ZNF487: variants seen among roughly 807,000 people sequenced by gnomAD.
The protein encoded by ZNF487 is KRAB domain only 1.
A neutral mutation model predicts 3.0 loss-of-function variants in ZNF487; 4 were observed. That is an observed-to-expected ratio of 1.35 (90% CI 0.66 to 3.08). ZNF487 has a LOEUF of 3.08. Ranked by LOEUF, ZNF487 falls within the 30% of genes most tolerant of loss-of-function variation. ZNF487 has a pLI of 0.01. For synonymous variants in ZNF487, 55 were observed against 34.6 expected (o/e 1.59, Z -2.06); for missense variants, 146 against 98.7 (o/e 1.48, Z -2.03).
At chr10:43,496,496 A>G in the ZNF487 span, among the ~76,000 whole-genome samples, 13 of 152,334 alleles carry the variant, frequency 8.5e-5, no homozygotes, top group African/African-American at 2.9e-4. Context: ...AGGCATGGAT[A>G]TTAGAGGAAG....
intron 1 of ZNF487, among the ~76,000 whole-genome samples, chr10:43,459,587 T>C (rs1483883893): frequency 6.6e-6 from 1 of 151,994 alleles, no homozygotes; most frequent in Non-Finnish European, 1.5e-5. Flanking sequence ...AAAAAAAATT[T>C]TTAAGTCAGG....
intron 1 of ZNF487, among the ~76,000 whole-genome samples, chr10:43,449,443 C>G (rs1236001903): frequency 6.6e-6 from 1 of 152,106 alleles, no homozygotes; most frequent in Non-Finnish European, 1.5e-5. Flanking sequence ...TTATTCAAGT[C>G]AACTCACTAT....
At chr10:43,465,363 C>T (rs1330023651) in intron 1 of ZNF487, among the ~76,000 whole-genome samples, 17 of 148,362 alleles carry the variant, frequency 1.1e-4, no homozygotes, top group South Asian at 4.2e-4. Flanking sequence ...GGGTGGCTGC[C>T]GGGCGGAGGG....
chr10:43,494,230 A>G, the ZNF487 span, among the ~76,000 whole-genome samples: 19,083 of 152,032 alleles, frequency 0.13, 2,563 homozygotes, highest in African/African-American at 0.34. Context: ...ACACAAACAC[A>G]CAAGCTTGTG....
At chr10:43,471,423 C>T (rs1840905119) in intron 1 of ZNF487, among the ~76,000 whole-genome samples, 1 of 152,174 alleles carries the variant, frequency 6.6e-6, no homozygotes, top group African/African-American at 2.4e-5. Flanking sequence ...GTGTTTGCAG[C>T]TCAGTTGGCC....
At position 43,457,588 on chromosome 10, in the gene ZNF487, G is replaced by A. The variant is rs1433550653; in HGVS notation, c.-93-18133G>A. Among the ~76,000 whole-genome samples, 155 of 143,976 alleles carry A rather than the reference G, an allele frequency of 1.1e-3. 1 individual carries two copies. The highest frequency in any genetic ancestry group is 1.4e-3 in the Non-Finnish European group (93 of 65,616). The allele number at this position is 143,976 out of a possible 152,430, so 94.5% of individuals were successfully genotyped here. A position where few individuals can be genotyped will look rare whatever the true frequency, so the allele number is the denominator to read the frequency against. Reference sequence around the variant, plus strand: ...AAAAAAAAAAAAAAGAAAAAGAAAAGAATTCCTCATGAGATCGCTTGAACG... The same window carrying A: ...AAAAAAAAAAAAAAGAAAAAGAAAAAAATTCCTCATGAGATCGCTTGAACG... On this transcript the variant is annotated intron_variant, in intron 1 of 3. Coordinates refer to ENST00000437590, the MANE Select transcript of ZNF487 (RefSeq NM_001355444.3).
At chr10:43,516,457 C>G in the ZNF487 span, among the ~76,000 whole-genome samples, 1 of 152,096 alleles carries the variant, frequency 6.6e-6, no homozygotes, top group Non-Finnish European at 1.5e-5. Flanking sequence ...GGACAGAACT[C>G]TAATGGAATA....
At chr10:43,439,371 C>A (rs1282129463) in intron 1 of ZNF487, among the ~76,000 whole-genome samples, 1 of 151,954 alleles carries the variant, frequency 6.6e-6, no homozygotes, top group East Asian at 1.9e-4. Context: ...CTGTACTCCA[C>A]CCTGAGTGAC....
chr10:43,468,765 G>A (rs572600996), intron 1 of ZNF487, among the ~76,000 whole-genome samples: 16 of 150,520 alleles, frequency 1.1e-4, no homozygotes, highest in Middle Eastern at 3.5e-3. Context: ...CGAGGCAGGC[G>A]GATCACGAGG....
intron 1 of ZNF487, among the ~76,000 whole-genome samples, chr10:43,463,735 T>G (rs1202387072): frequency 2.0e-5 from 3 of 148,552 alleles, no homozygotes; most frequent in Admixed American, 6.8e-5. Flanking sequence ...TTTTAGCATG[T>G]GCTCATGTTG....
chr10:43,453,849 G>A (rs142372287), intron 1 of ZNF487: 3 of 152,276 alleles, frequency 2.0e-5, no homozygotes, highest in East Asian at 3.9e-4. Flanking sequence ...AAATCATGGT[G>A]ACTGAAATTC....
chr10:43,445,154 A>AT (rs1277374679), intron 1 of ZNF487, among the ~76,000 whole-genome samples: 175 of 144,154 alleles, frequency 1.2e-3, no homozygotes, highest in South Asian at 1.8e-3. Context: ...CATTTTCAGA[A>AT]TTTTTTTTTT....
intron 2 of ZNF487, 95 bp from the exon 3 acceptor site, chr10:43,476,012 G>C: frequency 1.5e-6 from 1 of 681,324 alleles, no homozygotes; most frequent in South Asian, 1.7e-5. Context: ...GGTGTTTTCT[G>C]TAATGAAATG....
chr10:43,507,336 G>A, the ZNF487 span, among the ~76,000 whole-genome samples: 4 of 152,134 alleles, frequency 2.6e-5, no homozygotes, highest in Non-Finnish European at 5.9e-5. Context: ...TGAGGTTAGC[G>A]GAAAGGAAGA....
chr10:43,476,212 T>C lies in ZNF487; in HGVS notation c.130+10T>C, dbSNP rs1841095787. ...AGTCAGAGCCACCTAGGTGAGTTAATAAATATATAGGAAGCTATAATCCCA... is the reference window on the plus strand; with the variant it reads ...AGTCAGAGCCACCTAGGTGAGTTAACAAATATATAGGAAGCTATAATCCCA... On this transcript the variant is annotated intron_variant, in intron 3 of 3. Coordinates refer to ENST00000437590, the MANE Select transcript of ZNF487 (RefSeq NM_001355444.3). 1.4e-6 allele frequency: 1 copy of C among 716,244 alleles called. No homozygotes were observed. The highest frequency in any genetic ancestry group is 1.7e-5 in the African/African-American group (1 of 57,200). 44.4% of individuals were successfully genotyped at this position (716,244 alleles called of 1,614,324 possible).
At chr10:43,469,194 T>C (rs1840817219) in intron 1 of ZNF487, among the ~76,000 whole-genome samples, 1 of 151,946 alleles carries the variant, frequency 6.6e-6, no homozygotes, top group Non-Finnish European at 1.5e-5. Flanking sequence ...TTAGCATTTC[T>C]TTTATTTTAC....
chr10:43,475,830 G>T lies in ZNF487; in HGVS notation c.17G>T (p.Ser6Ile). The change falls in exon 2 of 4, where the codon AGC (serine) becomes ATC (isoleucine). Residue 6 changes from serine to isoleucine, a missense_variant. By Grantham distance (142) the Ser-to-Ile change is moderately radical (BLOSUM62 -2). Transcript: ENST00000437590. MLENY[S>I]LLLSVGYCIT... is the part of the protein sequence containing the mutation. ...AGAGACATGATGCTGGAGAACTACAGCCTCCTCCTCTCAGTGGGTAAGGAT... is the reference window on the plus strand; with the variant it reads ...AGAGACATGATGCTGGAGAACTACATCCTCCTCCTCTCAGTGGGTAAGGAT... 1.3e-6 allele frequency: 1 copy of T among 779,106 alleles called. No homozygotes were observed. Among genetic ancestry groups the T allele is most frequent in the South Asian group, 1.3e-5 (1 of 74,294 alleles). The allele number at this position is 779,106 out of a possible 1,614,324, so 48.3% of individuals were successfully genotyped here. A position where few individuals can be genotyped will look rare whatever the true frequency, so the allele number is the denominator to read the frequency against.
chr10:43,440,860 C>T (rs1839574412), intron 1 of ZNF487, among the ~76,000 whole-genome samples: 1 of 151,428 alleles, frequency 6.6e-6, no homozygotes. Flanking sequence ...TTTGCATAAC[C>T]TTGGACTTTT....
Position 43,439,629 on chromosome 10 carries a change from G to T in ZNF487, c.-94+2367G>T, listed in dbSNP as rs1015660567. On this transcript the variant is annotated intron_variant, in intron 1 of 3. Transcript: ENST00000437590. ...GAGGCAGGGAGAATTGCTTGAACCT[G>T]GGAGGTGGAGGTTGCAGTGAGCCGA... is the stretch of plus-strand genomic sequence containing the variant. Among the ~76,000 whole-genome samples, 6 of 152,168 alleles carry T rather than the reference G, an allele frequency of 3.9e-5. No individual in the cohort carries two copies. In the East Asian group the frequency reaches 1.2e-3, roughly 29 times the overall value.
Sources: allele counts gnomAD v4.1 joint callset (sites outside exome capture counted in the v4.1 genomes callset), GRCh38; gene constraint gnomAD v4.1.1; transcripts MANE v1.5; gene names NCBI Gene and HGNC (gene_info 2026-07-23, HGNC 2026-07-21).